The following SLC25A21 variants were observed in gnomAD, a reference collection of about 807,000 sequenced individuals.
SLC25A21 encodes mitochondrial 2-oxodicarboxylate carrier.
SLC25A21 carries 47 observed loss-of-function variants against 43.8 expected under a neutral mutation model. The ratio of observed to expected loss-of-function variants is 1.07; its 90% CI spans 0.85 to 1.37. SLC25A21 has a LOEUF of 1.37. Among genes scored for constraint, SLC25A21 ranks in the 40% most tolerant of loss-of-function variants. SLC25A21 has a pLI of 0.00. For missense variants in SLC25A21, 352 were observed against 350.2 expected, an observed-to-expected ratio of 1.00 and a Z score of -0.04; for synonymous variants, 131 against 121.3, an observed-to-expected ratio of 1.08 and a Z score of -0.52.
At chr14:36,906,801 C>G (rs1288551275) in intron 1 of SLC25A21, among the ~76,000 whole-genome samples, 2 of 152,098 alleles carry the variant, frequency 1.3e-5, no homozygotes, top group African/African-American at 4.8e-5. Flanking sequence ...CCATGCCCGG[C>G]TGGGAAGTCA....
chr14:37,014,089 T>C (rs1265164860), intron 1 of SLC25A21, among the ~76,000 whole-genome samples: 3 of 152,096 alleles, frequency 2.0e-5, no homozygotes, highest in Non-Finnish European at 2.9e-5. Context: ...TGCCTTCACA[T>C]TGGTGAAGGC....
At chr14:37,044,479 C>T (rs1961546183) in intron 1 of SLC25A21, among the ~76,000 whole-genome samples, 1 of 152,080 alleles carries the variant, frequency 6.6e-6, no homozygotes, top group African/African-American at 2.4e-5. Context: ...TGCAAATACA[C>T]TTTGATATGT....
intron 1 of SLC25A21, among the ~76,000 whole-genome samples, chr14:37,055,216 C>A (rs1463950008): frequency 6.6e-6 from 1 of 152,166 alleles, no homozygotes; most frequent in African/African-American, 2.4e-5. Flanking sequence ...AGAAATTAAA[C>A]CCAAGGAATT....
At chr14:36,881,804 T>C (rs1207358549) in intron 1 of SLC25A21, among the ~76,000 whole-genome samples, 2 of 152,178 alleles carry the variant, frequency 1.3e-5, no homozygotes, top group Non-Finnish European at 2.9e-5. Context: ...CAATGGGCTT[T>C]AGTAACCGTT....
Position 37,078,240 on chromosome 14 carries a change from G to A in SLC25A21, c.70+94041C>T, listed in dbSNP as rs76851744. Among the ~76,000 whole-genome samples, 509 of 152,128 alleles carry A rather than the reference G, an allele frequency of 3.3e-3. 2 individuals carry two copies. The highest frequency in any genetic ancestry group is 0.011 in the African/African-American group (473 of 41,514). On this transcript the variant is annotated intron_variant, in intron 1 of 9. Coordinates refer to ENST00000331299, the MANE Select transcript of SLC25A21 (RefSeq NM_030631.4). Reference sequence around the variant, plus strand: ...AAAAAAGAAAAATATAGAGAAAATGGCCTTTAAGGCACACACTCCTGAGGT... The same window carrying A: ...AAAAAAGAAAAATATAGAGAAAATGACCTTTAAGGCACACACTCCTGAGGT...
At chr14:37,036,221 T>C (rs543328611) in intron 1 of SLC25A21, among the ~76,000 whole-genome samples, 2 of 152,226 alleles carry the variant, frequency 1.3e-5, no homozygotes, top group East Asian at 3.9e-4. Flanking sequence ...TTTGGAACAC[T>C]TTTAGCAAGT....
At chr14:36,759,919 G>A (rs1213624035) in intron 3 of SLC25A21, among the ~76,000 whole-genome samples, 1 of 152,106 alleles carries the variant, frequency 6.6e-6, no homozygotes, top group Non-Finnish European at 1.5e-5. Flanking sequence ...AGTGAGCCGA[G>A]ATCACGTCAC....
intron 2 of SLC25A21, among the ~76,000 whole-genome samples, chr14:36,816,230 G>C (rs540119710): frequency 2.1e-3 from 326 of 152,266 alleles, no homozygotes; most frequent in Non-Finnish European, 3.6e-3. Context: ...TTTGTGAACA[G>C]TACTGTTCAG....
chr14:36,711,235 A>G, intron 7 of SLC25A21, 83 bp downstream of exon 7: 2 of 1,265,118 alleles, frequency 1.6e-6, no homozygotes, highest in Admixed American at 3.8e-5. Context: ...CACAGTGACC[A>G]GGACAGGATA....
intron 5 of SLC25A21, among the ~76,000 whole-genome samples, chr14:36,726,187 T>C (rs1200154395): frequency 2.6e-5 from 4 of 152,256 alleles, no homozygotes; most frequent in African/African-American, 9.6e-5. Context: ...AGAGTCACTA[T>C]TCTGGACTAT....
At chr14:37,123,741 G>A (rs1368766715) in intron 1 of SLC25A21, among the ~76,000 whole-genome samples, 1 of 152,044 alleles carries the variant, frequency 6.6e-6, no homozygotes, top group Non-Finnish European at 1.5e-5. Flanking sequence ...ATAAGGAGGG[G>A]CAGGCATGGT....
At chr14:36,916,819 G>A (rs1370286100) in intron 1 of SLC25A21, among the ~76,000 whole-genome samples, 1 of 151,888 alleles carries the variant, frequency 6.6e-6, no homozygotes, top group Non-Finnish European at 1.5e-5. Flanking sequence ...CGTTATATGG[G>A]CACCTGGATC....
At chr14:36,759,634 A>C (rs1886065645) in intron 3 of SLC25A21, 1 of 152,236 alleles carries the variant, frequency 6.6e-6, no homozygotes. Flanking sequence ...AGTCAATACC[A>C]GTAGAAAAGG....
chr14:36,950,150 C>T (rs1484441960), intron 1 of SLC25A21, among the ~76,000 whole-genome samples: 1 of 152,106 alleles, frequency 6.6e-6, no homozygotes, highest in Admixed American at 6.5e-5. Flanking sequence ...TAATTTGTCG[C>T]AAGGTACCTT....
intron 1 of SLC25A21, among the ~76,000 whole-genome samples, chr14:36,998,525 C>T (rs1384165790): frequency 3.3e-5 from 5 of 152,134 alleles, no homozygotes; most frequent in African/African-American, 1.2e-4. Context: ...TGGACAACCA[C>T]ACTCCATAAA....
At chr14:36,747,587 G>C (rs1885547101) in intron 3 of SLC25A21, among the ~76,000 whole-genome samples, 1 of 152,124 alleles carries the variant, frequency 6.6e-6, no homozygotes, top group Non-Finnish European at 1.5e-5. Context: ...AGTGCCTCAG[G>C]AATTCACACC....
intron 1 of SLC25A21, among the ~76,000 whole-genome samples, chr14:37,122,980 G>A (rs1433845815): frequency 6.6e-6 from 1 of 152,162 alleles, no homozygotes; most frequent in Non-Finnish European, 1.5e-5. Context: ...ATATCAAATA[G>A]ATACTTGCTT....
intron 1 of SLC25A21, among the ~76,000 whole-genome samples, chr14:37,088,291 T>C (rs1962522922): frequency 2.0e-5 from 3 of 152,130 alleles, no homozygotes; most frequent in Admixed American, 2.0e-4. Flanking sequence ...AGCTGTTGCT[T>C]TTATAGGATT....
intron 2 of SLC25A21, among the ~76,000 whole-genome samples, chr14:36,863,313 T>C (rs2138535554): frequency 1.3e-5 from 2 of 152,210 alleles, no homozygotes; most frequent in Middle Eastern, 6.8e-3. Context: ...CCTTATTAGC[T>C]AAGGGAGAGT....
Sources: gnomAD v4.1 joint callset for allele counts (sites outside exome capture counted in the v4.1 genomes callset) on GRCh38, gnomAD v4.1.1 for gene constraint, MANE v1.5 for transcripts, NCBI Gene and HGNC (gene_info 2026-07-23, HGNC 2026-07-21) for gene names.